The following EXT2 variants were observed in gnomAD, a reference collection of about 807,000 sequenced individuals.
EXT2 encodes the protein exostosin glycosyltransferase 2, also known as exostosin-2.
EXT2 carries 53 observed loss-of-function variants against 81.6 expected under a neutral mutation model. That is an observed-to-expected ratio of 0.65 (90% confidence interval 0.52 to 0.82). The LOEUF (loss-of-function observed/expected upper bound fraction) is 0.82. EXT2 is among the 40% of genes least tolerant of loss of function. The pLI is 0.00. For synonymous variants in EXT2, 320 were observed against 340.0 expected, an observed-to-expected ratio of 0.94 and a Z score of 0.65; for missense variants, 774 against 910.2, an observed-to-expected ratio of 0.85 and a Z score of 1.93.
intron 4 of EXT2, among the ~76,000 whole-genome samples, chr11:44,123,914 T>C (rs542063228): frequency 6.7e-6 from 1 of 150,308 alleles, no homozygotes; most frequent in African/African-American, 2.5e-5. Context: ...CACTAGACCC[T>C]TGGAGATCTT....
chr11:44,181,501 C>T (rs531731499), intron 8 of EXT2, among the ~76,000 whole-genome samples: 53 of 152,220 alleles, frequency 3.5e-4, no homozygotes, highest in African/African-American at 1.2e-3. Flanking sequence ...ACATAGATGA[C>T]GAATGTGCTA....
chr11:44,243,844 G>T (rs911909171), intron 13 of EXT2, among the ~76,000 whole-genome samples: 3 of 151,906 alleles, frequency 2.0e-5, no homozygotes, highest in Non-Finnish European at 4.4e-5. Flanking sequence ...TGGAATTTGA[G>T]GGGGAGGGGA....
At chr11:44,130,962 C>G (rs1954484907) in intron 7 of EXT2, among the ~76,000 whole-genome samples, 1 of 152,244 alleles carries the variant, frequency 6.6e-6, no homozygotes, top group African/African-American at 2.4e-5. Context: ...GTCCCAAGAA[C>G]AGGCCACAGG....
At chr11:44,207,046 CT>C in intron 10 of EXT2, 87 bp downstream of exon 10, 1 of 1,456,700 alleles carries the variant, frequency 6.9e-7, no homozygotes. Context: ...ATTATATTTC[CT>C]TCTTAAAAGT....
rs1955964018 is a variant in EXT2 at position 44,236,288 on chromosome 11, G to A, written c.1936-5G>A. 6.2e-7 allele frequency: 1 copy of A among 1,613,838 alleles called. No individual in the cohort carries two copies. The highest frequency in any genetic ancestry group is 1.1e-5 in the South Asian group (1 of 91,074). On this transcript the variant is annotated splice_region_variant and splice_polypyrimidine_tract_variant and intron_variant, in intron 12 of 13. Transcript: ENST00000533608. Reference sequence around the variant, plus strand: ...GCCAGGTATGTTTTTGTCCTCCTCTGGCAGGTAACCCCACGAAAGAAATTC... The same window carrying A: ...GCCAGGTATGTTTTTGTCCTCCTCTAGCAGGTAACCCCACGAAAGAAATTC...
chr11:44,120,300 G>A (rs10838236), intron 4 of EXT2, among the ~76,000 whole-genome samples: 28,427 of 152,076 alleles, frequency 0.19, 3,355 homozygotes, highest in Middle Eastern at 0.27. Flanking sequence ...TCAATAACCC[G>A]ATAGGAGTGT....
intron 13 of EXT2, among the ~76,000 whole-genome samples, chr11:44,242,471 T>C (rs1956048753): frequency 6.6e-6 from 1 of 152,168 alleles, no homozygotes; most frequent in Non-Finnish European, 1.5e-5. Context: ...TGGCATGTAA[T>C]GGTAGAGTGT....
intron 8 of EXT2, among the ~76,000 whole-genome samples, chr11:44,175,353 A>G (rs1955144043): frequency 1.3e-5 from 2 of 151,348 alleles, no homozygotes; most frequent in Non-Finnish European, 2.9e-5. Flanking sequence ...AAGGCCCTCC[A>G]CAATCTACCT....
At chr11:44,160,129 C>T (rs1254879638) in intron 7 of EXT2, among the ~76,000 whole-genome samples, 1 of 152,182 alleles carries the variant, frequency 6.6e-6, no homozygotes, top group Non-Finnish European at 1.5e-5. Context: ...GGTGGTAAAA[C>T]TCTGGAAGTG....
chr11:44,107,675 G>A lies in EXT2; in HGVS notation c.-30-8G>A. On this transcript the variant is annotated splice_polypyrimidine_tract_variant and splice_region_variant and intron_variant, in intron 1 of 13. Coordinates refer to ENST00000533608, the MANE Select transcript of EXT2 (RefSeq NM_207122.2). ...TTGGTTTTTCTTATTTCTCTCCCTG[G>A]TGACCAGGAGTGTGAGGAAGAGGCT... The A allele has an allele frequency of 1.9e-6, 3 of 1,600,060 alleles. No homozygotes were observed. The highest frequency in any genetic ancestry group is 2.6e-6 in the Non-Finnish European group (3 of 1,170,020).
At chr11:44,107,556 C>A in intron 1 of EXT2, 127 bp from the exon 2 acceptor site, 1 of 861,506 alleles carries the variant, frequency 1.2e-6, no homozygotes, top group Non-Finnish European at 1.7e-6. Flanking sequence ...TGCACTCCAG[C>A]CTGAGTGACA....
chr11:44,109,255 A>C lies in EXT2; in HGVS notation c.598A>C (p.Asn200His). 1 of 1,614,128 alleles carries C rather than the reference A, an allele frequency of 6.2e-7. No individual in the cohort carries two copies. Among genetic ancestry groups the C allele is most frequent in the Non-Finnish European group, 8.5e-7 (1 of 1,179,986 alleles). ...GTTGCCTGGAGGTCCCCCAGATTAT[A>C]ACACAGCCCTGGATGTCCCCAGAGA... is the stretch of plus-strand genomic sequence containing the variant. ...NMLPGGPPDY[N>H]TALDVPRDRA... The change falls in exon 3 of 14, where the codon AAC becomes CAC. Residue 200 changes from asparagine (N) to histidine (H), a missense_variant. Asn to His is a moderately conservative substitution (Grantham distance 68, BLOSUM62 1). Coordinates refer to ENST00000533608, the MANE Select transcript of EXT2 (RefSeq NM_207122.2).
intron 7 of EXT2, among the ~76,000 whole-genome samples, chr11:44,137,065 GTGT>G (rs1318750561): frequency 2.0e-5 from 3 of 152,044 alleles, no homozygotes; most frequent in African/African-American, 7.2e-5. Context: ...TGGTCAACAT[GTGT>G]TGTTTAAAGC....
chr11:44,200,242 G>T (rs1187252606), intron 9 of EXT2, among the ~76,000 whole-genome samples: 1 of 149,670 alleles, frequency 6.7e-6, no homozygotes, highest in African/African-American at 2.5e-5. Flanking sequence ...AATAAATATT[G>T]TGGTTACCAT....
At chr11:44,131,212 A>T (rs1028748635) in intron 7 of EXT2, among the ~76,000 whole-genome samples, 6 of 152,134 alleles carry the variant, frequency 3.9e-5, no homozygotes, top group Non-Finnish European at 7.4e-5. Flanking sequence ...TGATGCTGTT[A>T]TCTTGTCTTT....
Position 44,250,503 on chromosome 11 carries a change from C to T in EXT2, c.*6216C>T, listed in dbSNP as rs774455446. Among the ~76,000 whole-genome samples the T allele has an allele frequency of 2.6e-5, 4 of 152,198 alleles. No individual in the cohort carries two copies. The highest frequency in any genetic ancestry group is 7.2e-5 in the African/African-American group (3 of 41,452). ...GTGATGCTGGCAGCCAGCCCTCTTC[C>T]GGCCCCTATTTCTGCTTACCGTGTT... On this transcript the variant is annotated 3_prime_UTR_variant, in exon 14 of 14. Transcript: ENST00000533608.
chr11:44,166,530 G>A (rs1954996304), intron 7 of EXT2, among the ~76,000 whole-genome samples: 1 of 152,172 alleles, frequency 6.6e-6, no homozygotes, highest in Non-Finnish European at 1.5e-5. Context: ...CATTCTCATT[G>A]TGCATGCTTT....
At chr11:44,225,467 A>G (rs1196370739) in intron 10 of EXT2, among the ~76,000 whole-genome samples, 3 of 152,086 alleles carry the variant, frequency 2.0e-5, no homozygotes, top group Non-Finnish European at 4.4e-5. Flanking sequence ...GATGGGAGCA[A>G]AGGGTTTTTT....
chr11:44,096,509 G>A lies in EXT2; in HGVS notation c.-31+657G>A, dbSNP rs74980806. Among the ~76,000 whole-genome samples the A allele has an allele frequency of 0.012, 1,782 of 152,080 alleles. 36 individuals are homozygous for A. The highest frequency in any genetic ancestry group is 0.041 in the African/African-American group (1,689 of 41,450). On this transcript the variant is annotated intron_variant, in intron 1 of 13. Transcript: ENST00000533608. ...TTAGGCAGGGGACTGGGTGGCCGGG[G>A]GCCTGTCAGGACGGGGCAGGAGTAT...
Sources: gnomAD v4.1 joint callset for allele counts (sites outside exome capture counted in the v4.1 genomes callset) on GRCh38, gnomAD v4.1.1 for gene constraint, MANE v1.5 for transcripts, NCBI Gene and HGNC (gene_info 2026-07-23, HGNC 2026-07-21) for gene names.